SLC24A3: variants seen among roughly 807,000 people sequenced by gnomAD.
SLC24A3 encodes the protein sodium/potassium/calcium exchanger 3.
SLC24A3 carries 28 observed loss-of-function variants against 75.8 expected under a neutral mutation model. The observed-to-expected ratio is 0.37, with a 90% CI of 0.27 to 0.51. The LOEUF is 0.51. Among genes scored for constraint, SLC24A3 ranks in the 20% least tolerant of loss-of-function variants. SLC24A3 has a pLI of 0.94. For synonymous variants in SLC24A3, 372 were observed against 334.1 expected, an observed-to-expected ratio of 1.11 and a Z score of -1.24; for missense variants, 663 against 847.8, an observed-to-expected ratio of 0.78 and a Z score of 2.71.
At chr20:19,685,711 C>T (rs59402667) in intron 12 of SLC24A3, among the ~76,000 whole-genome samples, 12,404 of 152,228 alleles carry the variant, frequency 0.081, 523 homozygotes, top group Admixed American at 0.12. Flanking sequence ...TCAGGTGCTG[C>T]AGCTGAGGAG....
intron 2 of SLC24A3, among the ~76,000 whole-genome samples, chr20:19,466,125 T>G (rs1253478334): frequency 6.6e-6 from 1 of 152,210 alleles, no homozygotes; most frequent in Non-Finnish European, 1.5e-5. Context: ...CAAATGTATT[T>G]TCACTATGTA....
chr20:19,361,379 T>G (rs969963999), intron 2 of SLC24A3, among the ~76,000 whole-genome samples: 18 of 152,034 alleles, frequency 1.2e-4, no homozygotes, highest in African/African-American at 4.4e-4. Context: ...GCAGATAAAA[T>G]GAGGCTACAG....
At chr20:19,640,911 A>G (rs1568682403) in intron 6 of SLC24A3, among the ~76,000 whole-genome samples, 1 of 152,182 alleles carries the variant, frequency 6.6e-6, no homozygotes, top group South Asian at 2.1e-4. Flanking sequence ...TGTTTGCATG[A>G]CTTTTGCAAC....
intron 3 of SLC24A3, among the ~76,000 whole-genome samples, chr20:19,537,984 A>G (rs2122583901): frequency 6.6e-6 from 1 of 152,084 alleles, no homozygotes; most frequent in East Asian, 1.9e-4. Flanking sequence ...ATATGTAACA[A>G]ACCTGCGCAT....
chr20:19,340,871 G>A (rs917065899), intron 2 of SLC24A3, among the ~76,000 whole-genome samples: 1 of 152,228 alleles, frequency 6.6e-6, no homozygotes, highest in Admixed American at 6.5e-5. Flanking sequence ...TTTGTGTGCA[G>A]ATCACATGTT....
At chr20:19,621,097 G>T (rs376471262) in intron 6 of SLC24A3, among the ~76,000 whole-genome samples, 141 of 152,296 alleles carry the variant, frequency 9.3e-4, no homozygotes, top group African/African-American at 3.2e-3. Context: ...CACACCATTT[G>T]CAGGTAACAA....
intron 2 of SLC24A3, among the ~76,000 whole-genome samples, chr20:19,456,953 A>T (rs1033501): frequency 0.19 from 28,482 of 152,154 alleles, 6,366 homozygotes; most frequent in African/African-American, 0.52. Flanking sequence ...TCTGTTAATG[A>T]CTTGGAAGCT....
At chr20:19,295,295 G>A (rs1984033350) in intron 2 of SLC24A3, among the ~76,000 whole-genome samples, 1 of 152,322 alleles carries the variant, frequency 6.6e-6, no homozygotes, top group East Asian at 1.9e-4. Context: ...ATGGGTTCAT[G>A]TAATCTGCAA....
intron 15 of SLC24A3, among the ~76,000 whole-genome samples, chr20:19,713,012 T>C (rs1017515366): frequency 6.6e-6 from 1 of 152,258 alleles, no homozygotes; most frequent in African/African-American, 2.4e-5. Context: ...AGAAGTGTTC[T>C]GAGCCATGGT....
intron 1 of SLC24A3, among the ~76,000 whole-genome samples, chr20:19,260,852 G>A (rs1982963839): frequency 6.6e-6 from 1 of 152,264 alleles, no homozygotes; most frequent in East Asian, 1.9e-4. Context: ...GGCATGGACC[G>A]ACACGCTCCT....
At chr20:19,479,304 C>T (rs902796055) in intron 2 of SLC24A3, among the ~76,000 whole-genome samples, 8 of 152,232 alleles carry the variant, frequency 5.3e-5, no homozygotes, top group Non-Finnish European at 1.0e-4. Flanking sequence ...CCACTTTACC[C>T]ATTTTGCACA....
intron 2 of SLC24A3, among the ~76,000 whole-genome samples, chr20:19,486,277 A>G (rs2087016478): frequency 6.6e-6 from 1 of 152,102 alleles, no homozygotes; most frequent in Non-Finnish European, 1.5e-5. Context: ...GAACAGAAAA[A>G]CTGATCACTG....
chr20:19,556,001 G>T (rs1233430263), intron 3 of SLC24A3, among the ~76,000 whole-genome samples: 2 of 152,114 alleles, frequency 1.3e-5, no homozygotes, highest in Non-Finnish European at 2.9e-5. Flanking sequence ...CAGGAGATTT[G>T]GTGTCTGGTA....
intron 3 of SLC24A3, among the ~76,000 whole-genome samples, chr20:19,529,968 T>C (rs916234813): frequency 1.3e-5 from 2 of 152,186 alleles, no homozygotes; most frequent in African/African-American, 4.8e-5. Flanking sequence ...AAATAGACTA[T>C]ATAGTAGATA....
chr20:19,507,491 A>G (rs953109755), intron 2 of SLC24A3, among the ~76,000 whole-genome samples: 8 of 152,264 alleles, frequency 5.3e-5, no homozygotes, highest in African/African-American at 7.2e-5. Flanking sequence ...GGATTCTGGT[A>G]TCAGTCACTC....
intron 3 of SLC24A3, among the ~76,000 whole-genome samples, chr20:19,547,002 C>T (rs997380257): frequency 2.6e-5 from 4 of 152,200 alleles, no homozygotes; most frequent in South Asian, 2.1e-4. Flanking sequence ...TGAGAGGTCC[C>T]GCTCTCTGAA....
At chr20:19,457,995 A>G (rs1987608441) in intron 2 of SLC24A3, among the ~76,000 whole-genome samples, 1 of 152,170 alleles carries the variant, frequency 6.6e-6, no homozygotes, top group South Asian at 2.1e-4. Context: ...TTTTTCCTCC[A>G]GAAATTTCAG....
intron 2 of SLC24A3, among the ~76,000 whole-genome samples, chr20:19,438,375 T>A (rs1987241541): frequency 6.6e-6 from 1 of 152,232 alleles, no homozygotes; most frequent in African/African-American, 2.4e-5. Context: ...AGATCTTCAA[T>A]GTCCGGCTCC....
intron 7 of SLC24A3, 95 bp from the exon 8 acceptor site, chr20:19,665,769 G>A (rs2032391410): frequency 1.8e-5 from 26 of 1,430,690 alleles, no homozygotes; most frequent in Non-Finnish European, 2.3e-5. Context: ...GGAACAAGGT[G>A]GATACTGCGT....
Sources: gnomAD v4.1 joint callset for allele counts (sites outside exome capture counted in the v4.1 genomes callset) on GRCh38, gnomAD v4.1.1 for gene constraint, MANE v1.5 for transcripts, NCBI Gene and HGNC (gene_info 2026-07-23, HGNC 2026-07-21) for gene names.